The following MYT1L variants were observed in gnomAD, a reference collection of about 807,000 sequenced individuals.
MYT1L encodes myelin transcription factor 1 like, also known as myelin transcription factor 1-like protein.
In MYT1L, 12 loss-of-function variants were observed where a neutral mutation model predicts 126.7. The observed-to-expected ratio is 0.09, with a 90% CI of 0.06 to 0.15. The LOEUF is 0.15. MYT1L is among the 10% of genes least tolerant of loss of function. The pLI, the probability that MYT1L is intolerant of heterozygous loss-of-function variation, is 1.00. For missense variants in MYT1L, 979 were observed against 1,585.2 expected (o/e 0.62, Z 6.49); for synonymous variants, 541 against 604.2 (o/e 0.90, Z 1.53).
intron 18 of MYT1L, chr2:1,885,301 T>C (rs2048036174): frequency 6.5e-6 from 1 of 152,708 alleles, no homozygotes; most frequent in Non-Finnish European, 1.5e-5. Flanking sequence ...CGTTTTGAGA[T>C]CCTAAATCTA....
At chr2:2,226,415 T>A (rs1033997594) in intron 2 of MYT1L, among the ~76,000 whole-genome samples, 1 of 152,204 alleles carries the variant, frequency 6.6e-6, no homozygotes, top group Non-Finnish European at 1.5e-5. Flanking sequence ...TTGAAGTGTT[T>A]GTCTTATGAG....
At chr2:2,271,126 T>C (rs774903180) in intron 2 of MYT1L, among the ~76,000 whole-genome samples, 3 of 152,178 alleles carry the variant, frequency 2.0e-5, no homozygotes, top group Non-Finnish European at 4.4e-5. Context: ...GGTTCTGACA[T>C]CTAGCAAGGA....
At chr2:2,004,241 G>GCGTTCTTTCCTGCAGA (rs2062820164) in intron 4 of MYT1L, among the ~76,000 whole-genome samples, 1 of 135,380 alleles carries the variant, frequency 7.4e-6, no homozygotes, top group Non-Finnish European at 1.7e-5. Flanking sequence ...TTTCCTGCAG[G>GCGTTCTTTCCTGCAGA]CGTTCTTTCC....
intron 14 of MYT1L, among the ~76,000 whole-genome samples, chr2:1,895,338 C>T (rs138572933): frequency 2.6e-5 from 4 of 152,294 alleles, no homozygotes; most frequent in African/African-American, 9.6e-5. Flanking sequence ...TAATTCTTTA[C>T]AGAGTTAGAA....
intron 2 of MYT1L, among the ~76,000 whole-genome samples, chr2:2,236,562 C>T (rs1404424028): frequency 2.2e-5 from 3 of 138,512 alleles, no homozygotes; most frequent in Non-Finnish European, 3.1e-5. Flanking sequence ...CCCAACCCAA[C>T]CCAGTATGTC....
intron 3 of MYT1L, among the ~76,000 whole-genome samples, chr2:2,076,271 C>T (rs557404224): frequency 6.6e-6 from 1 of 152,280 alleles, no homozygotes; most frequent in South Asian, 2.1e-4. Flanking sequence ...AAAAGAAAGG[C>T]ACCAGGCACT....
chr2:2,138,001 C>T (rs1299392919), intron 3 of MYT1L, among the ~76,000 whole-genome samples: 1 of 152,032 alleles, frequency 6.6e-6, no homozygotes, highest in Admixed American at 6.6e-5. Flanking sequence ...AAGAAAAAAA[C>T]AAACAACCCC....
At chr2:2,302,920 T>A (rs2095805241) in intron 1 of MYT1L, among the ~76,000 whole-genome samples, 1 of 152,188 alleles carries the variant, frequency 6.6e-6, no homozygotes, top group South Asian at 2.1e-4. Context: ...TGATGTTTGA[T>A]CATAATCAAC....
chr2:2,197,148 T>C (rs2148791731), intron 2 of MYT1L, among the ~76,000 whole-genome samples: 1 of 152,312 alleles, frequency 6.6e-6, no homozygotes, highest in East Asian at 1.9e-4. Flanking sequence ...TTTCTGGTAA[T>C]TTCTGATGAA....
In MYT1L at chr2:1,917,400, AT is replaced by A; in HGVS notation, c.1484-62del. On this transcript the variant is annotated intron_variant, in intron 10 of 24. Coordinates refer to ENST00000647738, the MANE Select transcript of MYT1L (RefSeq NM_001303052.2). The surrounding 1 kb of genome is among the most constrained non-coding windows in gnomAD (Gnocchi z 5.9). ...TTACCAATCAAAGACAAATGTGATTATTTCACAATCTGAAGAAACCTTGCTA... is the reference window on the plus strand; with the variant it reads ...TTACCAATCAAAGACAAATGTGATTATTCACAATCTGAAGAAACCTTGCTA... The A allele has an allele frequency of 6.5e-7, 1 of 1,535,000 alleles. No individual in the cohort carries two copies. Among genetic ancestry groups the A allele is most frequent in the Admixed American group, 1.9e-5 (1 of 51,882 alleles).
intron 1 of MYT1L, among the ~76,000 whole-genome samples, chr2:2,310,860 A>G (rs939292120): frequency 7.0e-6 from 1 of 142,326 alleles, no homozygotes. Context: ...GAGTTGGTTG[A>G]AAAAATGAAT....
At chr2:1,964,095 C>T (rs923207193) in intron 8 of MYT1L, among the ~76,000 whole-genome samples, 1 of 152,088 alleles carries the variant, frequency 6.6e-6, no homozygotes, top group African/African-American at 2.4e-5. Context: ...CACTTAGAGG[C>T]CATTGTAGAG....
At chr2:1,881,099 C>T (rs1210547658) in intron 18 of MYT1L, among the ~76,000 whole-genome samples, 1 of 152,120 alleles carries the variant, frequency 6.6e-6, no homozygotes, top group Non-Finnish European at 1.5e-5. Flanking sequence ...AACCCCAATG[C>T]CTGGGTCCCT....
intron 2 of MYT1L, among the ~76,000 whole-genome samples, chr2:2,257,815 G>T (rs1464754047): frequency 1.3e-5 from 2 of 150,310 alleles, no homozygotes; most frequent in Non-Finnish European, 1.5e-5. Flanking sequence ...TGGCCATACT[G>T]CCCAAGGTAA....
In MYT1L at chr2:2,308,669, C is replaced by T. The variant is rs1462498373; in HGVS notation, c.-521+22298G>A. On this transcript the variant is annotated intron_variant, in intron 1 of 24. Coordinates refer to ENST00000647738, the MANE Select transcript of MYT1L (RefSeq NM_001303052.2). ...TTCACCTACACTTCAGTACACTCTA[C>T]CTATATCTTACCTACTCTTTAGTAT... Among the ~76,000 whole-genome samples the T allele has an allele frequency of 2.6e-5, 4 of 151,998 alleles. No homozygotes were observed. In the East Asian group the frequency reaches 7.7e-4, roughly 29 times the overall value.
At chr2:1,975,527 G>C (rs28605906) in intron 8 of MYT1L, among the ~76,000 whole-genome samples, 1 of 152,070 alleles carries the variant, frequency 6.6e-6, no homozygotes, top group African/African-American at 2.4e-5. Context: ...TTAGGAGTTC[G>C]AGACCATCCT....
At chr2:1,940,833 G>A (rs1337609951) in intron 9 of MYT1L, among the ~76,000 whole-genome samples, 1 of 152,194 alleles carries the variant, frequency 6.6e-6, no homozygotes, top group African/African-American at 2.4e-5. Flanking sequence ...CCGTGCTCTG[G>A]ACTCAGCATT....
intron 18 of MYT1L, among the ~76,000 whole-genome samples, chr2:1,860,896 G>T (rs990062789): frequency 4.6e-5 from 7 of 152,172 alleles, no homozygotes; most frequent in African/African-American, 1.7e-4. Context: ...CCAACACCAA[G>T]AACCCACTGG....
intron 18 of MYT1L, among the ~76,000 whole-genome samples, chr2:1,854,995 T>C (rs960336977): frequency 6.6e-5 from 10 of 152,204 alleles, no homozygotes; most frequent in Non-Finnish European, 1.5e-4. Context: ...CTTTTCCGTC[T>C]TTAGGTGGTG....
Sources: allele counts gnomAD v4.1 joint callset (sites outside exome capture counted in the v4.1 genomes callset), GRCh38; gene constraint gnomAD v4.1.1; non-coding constraint Gnocchi (gnomAD v3.1); transcripts MANE v1.5; gene names NCBI Gene and HGNC (gene_info 2026-07-23, HGNC 2026-07-21).